Variants in FBXW2 observed in about 807,000 individuals in gnomAD.
FBXW2 encodes the protein F-box and WD repeat domain containing 2, also known as F-box/WD repeat-containing protein 2.
A neutral mutation model predicts 46.0 loss-of-function variants in FBXW2; 12 were observed. The observed-to-expected ratio is 0.26, with a 90% CI of 0.17 to 0.42. FBXW2 has a LOEUF of 0.42. Among genes scored for constraint, FBXW2 ranks in the 10% least tolerant of loss-of-function variants. FBXW2 has a pLI of 1.00. For synonymous variants in FBXW2, 203 were observed against 209.6 expected (o/e 0.97, Z 0.27); for missense variants, 360 against 537.0 (o/e 0.67, Z 3.26).
chr9:120,772,940 T>C (rs1483967663), intron 5 of FBXW2, 100 bp from the exon 6 acceptor site: 1 of 799,230 alleles, frequency 1.3e-6, no homozygotes, highest in South Asian at 1.6e-5. Flanking sequence ...TAACATATGC[T>C]AGAATAGCTA....
chr9:120,778,323 T>TA (rs113452728), intron 4 of FBXW2, 28 bp downstream of exon 4: 2 of 1,598,634 alleles, frequency 1.3e-6, no homozygotes, highest in Non-Finnish European at 8.5e-7. Flanking sequence ...GGCTAAGTTG[T>TA]AAAAACCCTT....
At chr9:120,790,599 T>A (rs1304948569) in intron 2 of FBXW2, among the ~76,000 whole-genome samples, 1 of 152,172 alleles carries the variant, frequency 6.6e-6, no homozygotes, top group African/African-American at 2.4e-5. Context: ...TATACACACA[T>A]ACATACACAT....
chr9:120,778,072 GGA>G (rs1491006560), intron 4 of FBXW2, among the ~76,000 whole-genome samples: 11 of 151,656 alleles, frequency 7.3e-5, no homozygotes, highest in Non-Finnish European at 1.5e-4. Context: ...ACAGGAGGGG[GGA>G]GAGAGAGAAT....
chr9:120,792,835 G>T, intron 2 of FBXW2: 1 of 1,359,030 alleles, frequency 7.4e-7, no homozygotes, highest in Non-Finnish European at 9.8e-7. Flanking sequence ...TTATTACTTA[G>T]CATTAATATT....
chr9:120,776,259 GTC>G (rs151089346), intron 4 of FBXW2, 33 bp from the exon 5 acceptor site: 5 of 1,604,452 alleles, frequency 3.1e-6, no homozygotes, highest in Admixed American at 1.7e-5. Context: ...GTTAAAACAT[GTC>G]TCTGTCAGTG....
Position 120,787,946 on chromosome 9 carries a change from A to C in FBXW2, c.313T>G (p.Leu105Val). ...TEVWQTACKN[L>V]GWQIDDSVQD... ...ACAGAATCATCTATCTGCCAGCCCA[A>C]ATTTTTACATGCAGTCTGCCACACC... Residue 105 changes from leucine (L) to valine (V), a missense_variant, in exon 3 of 8, where the codon TTG becomes GTG. By Grantham distance (32) the Leu-to-Val change is conservative. Transcript: ENST00000608872. 1 of 1,614,144 alleles carries C rather than the reference A, an allele frequency of 6.2e-7. No individual in the cohort carries two copies. Among genetic ancestry groups the C allele is most frequent in the Non-Finnish European group, 8.5e-7 (1 of 1,180,038 alleles).
rs1022780003 is a variant in FBXW2, at chr9:120,762,161, G to A, written c.*2398C>T. 6.6e-6 allele frequency: 1 copy of A among 152,140 alleles called. No individual in the cohort carries two copies. Among genetic ancestry groups the A allele is most frequent in the African/African-American group, 2.4e-5 (1 of 41,414 alleles). The allele number at this position is 152,140 out of a possible 1,614,324, so 9.4% of individuals were successfully genotyped here. A position where few individuals can be genotyped will look rare whatever the true frequency, so the allele number is the denominator to read the frequency against. ...TCAAGACCAGCCTGGCCAACATGGT[G>A]GAACCCTGTCTCTACTAAAAATATA... On this transcript the variant is annotated 3_prime_UTR_variant, in exon 8 of 8. Transcript: ENST00000608872.
intron 3 of FBXW2, among the ~76,000 whole-genome samples, chr9:120,787,524 T>C (rs1372559521): frequency 6.6e-6 from 1 of 152,194 alleles, no homozygotes; most frequent in African/African-American, 2.4e-5. Flanking sequence ...TATAGCTTTG[T>C]AATTCACATA....
intron 3 of FBXW2, among the ~76,000 whole-genome samples, chr9:120,781,669 C>T (rs2044616049): frequency 6.7e-6 from 1 of 149,784 alleles, no homozygotes; most frequent in African/African-American, 2.5e-5. Context: ...CACACACACA[C>T]ACACACATAC....
intron 3 of FBXW2, among the ~76,000 whole-genome samples, chr9:120,778,929 G>A (rs1022078638): frequency 2.0e-5 from 3 of 152,200 alleles, no homozygotes; most frequent in African/African-American, 7.2e-5. Context: ...ACACTTGCAT[G>A]CTTGTCCATT....
intron 4 of FBXW2, 86 bp from the exon 5 acceptor site, chr9:120,776,312 A>G: frequency 6.9e-7 from 1 of 1,451,362 alleles, no homozygotes; most frequent in South Asian, 1.3e-5. Flanking sequence ...ATTTTCCCCA[A>G]TTATATAATT....
chr9:120,786,051 A>G (rs994386415), intron 3 of FBXW2, among the ~76,000 whole-genome samples: 1 of 151,776 alleles, frequency 6.6e-6, no homozygotes, highest in Non-Finnish European at 1.5e-5. Context: ...AAAGAGCTAT[A>G]AAATAATTCA....
At chr9:120,781,030 T>C (rs954570002) in intron 3 of FBXW2, among the ~76,000 whole-genome samples, 1 of 148,252 alleles carries the variant, frequency 6.7e-6, no homozygotes, top group Non-Finnish European at 1.5e-5. Context: ...AGAAAGAATA[T>C]CATGGCAAAA....
intron 3 of FBXW2, among the ~76,000 whole-genome samples, chr9:120,780,822 T>C (rs942748110): frequency 6.6e-6 from 1 of 152,094 alleles, no homozygotes; most frequent in Non-Finnish European, 1.5e-5. Context: ...CAATAATAAT[T>C]CAGTATAGTA....
At chr9:120,785,449 G>C (rs983072706) in intron 3 of FBXW2, among the ~76,000 whole-genome samples, 5 of 152,200 alleles carry the variant, frequency 3.3e-5, no homozygotes, top group African/African-American at 1.2e-4. Flanking sequence ...GGAAAATAAA[G>C]TGTGAAATAA....
At chr9:120,775,947 TG>T in intron 5 of FBXW2, 145 bp downstream of exon 5, 1 of 893,430 alleles carries the variant, frequency 1.1e-6, no homozygotes, top group Non-Finnish European at 1.7e-6. Flanking sequence ...TTCTACTTGC[TG>T]GTCACTGTTG....
At chr9:120,766,368 T>G (rs561153560) in intron 7 of FBXW2, among the ~76,000 whole-genome samples, 4 of 152,230 alleles carry the variant, frequency 2.6e-5, no homozygotes, top group Non-Finnish European at 5.9e-5. Flanking sequence ...AATTTCAGTC[T>G]CATATCAGGA....
intron 4 of FBXW2, among the ~76,000 whole-genome samples, chr9:120,777,492 AT>A (rs2044521893): frequency 6.6e-6 from 1 of 152,218 alleles, no homozygotes; most frequent in Non-Finnish European, 1.5e-5. Flanking sequence ...GCAAGATTAT[AT>A]TTGTATGATG....
chr9:120,780,133 C>T (rs1353143000), intron 3 of FBXW2, among the ~76,000 whole-genome samples: 1 of 147,280 alleles, frequency 6.8e-6, no homozygotes, highest in Admixed American at 6.8e-5. Flanking sequence ...GGGCCTCCAC[C>T]TCAAAGAAAA....
Sources: gnomAD v4.1 joint callset for allele counts (sites outside exome capture counted in the v4.1 genomes callset) on GRCh38, gnomAD v4.1.1 for gene constraint, MANE v1.5 for transcripts, NCBI Gene and HGNC (gene_info 2026-07-23, HGNC 2026-07-21) for gene names.